The following HYDIN variants were observed in gnomAD, a reference collection of about 807,000 sequenced individuals.
HYDIN encodes HYDIN axonemal central pair apparatus protein.
In HYDIN, 132 loss-of-function variants were observed where a neutral mutation model predicts 403.9. That is an observed-to-expected ratio of 0.33 (90% confidence interval 0.28 to 0.38). The LOEUF is 0.38. Among genes scored for constraint, HYDIN ranks in the 10% least tolerant of loss-of-function variants. The pLI is 1.00. For synonymous variants in HYDIN, 1,202 were observed against 1,891.7 expected (o/e 0.64, Z 9.46); for missense variants, 2,827 against 5,009.5 (o/e 0.56, Z 13.15).
intron 13 of HYDIN, among the ~76,000 whole-genome samples, chr16:71,073,801 T>C (rs2144319106): frequency 6.6e-6 from 1 of 152,298 alleles, no homozygotes; most frequent in South Asian, 2.1e-4. Context: ...TATGCCTCAA[T>C]GTTCCTTCAA....
At chr16:71,171,165 G>A (rs890021800) in intron 5 of HYDIN, among the ~76,000 whole-genome samples, 14 of 152,156 alleles carry the variant, frequency 9.2e-5, no homozygotes, top group Non-Finnish European at 1.6e-4. Context: ...TGCCAAGCGT[G>A]TTTCTGCCAC....
chr16:70,938,797 C>A, intron 43 of HYDIN, 42 bp from the exon 44 acceptor site: 1 of 1,609,564 alleles, frequency 6.2e-7, no homozygotes, highest in Non-Finnish European at 8.5e-7. Flanking sequence ...AAAAGTCCTT[C>A]TCAGTCTCGC....
intron 10 of HYDIN, among the ~76,000 whole-genome samples, chr16:71,100,065 A>G (rs1390574622): frequency 1.3e-5 from 2 of 152,116 alleles, no homozygotes; most frequent in African/African-American, 4.8e-5. Context: ...ACATTTACGA[A>G]GGTCAACTGT....
Position 70,841,773 on chromosome 16 carries a change from T to G in HYDIN, c.12874-1540A>C, listed in dbSNP as rs550101067. Among the ~76,000 whole-genome samples the G allele has an allele frequency of 5.3e-5, 8 of 152,126 alleles. No homozygotes were observed. The East Asian group carries it at 1.5e-3, about 29-fold the overall frequency. On this transcript the variant is annotated intron_variant, in intron 75 of 85. Transcript: ENST00000393567. ...TAACCATTGCCCTTTCATCATGTGA[T>G]GCCATCTGCCATGTTACGATGCAGC...
At chr16:70,868,880 A>C in intron 65 of HYDIN, 92 bp from the exon 66 acceptor site, 1 of 1,370,942 alleles carries the variant, frequency 7.3e-7, no homozygotes, top group Non-Finnish European at 9.8e-7. Flanking sequence ...GGAAGGAGCC[A>C]AAGGTCTTGG....
rs2076978166 is a variant in HYDIN, at chr16:70,920,960, C to A, written c.7416G>T (p.Met2472Ile). ...GGACTCCTTGCTTCCGGTCCCAGTACATGAGGATGTTCTGGACATCCTTCA... is the reference window on the plus strand; with the variant it reads ...GGACTCCTTGCTTCCGGTCCCAGTAAATGAGGATGTTCTGGACATCCTTCA... ...LTLKDVQNIL[M>I]YWDRKQGVQL... is the part of the protein sequence containing the mutation. The change falls in exon 46 of 86, where the codon ATG becomes ATT. Residue 2472 changes from methionine to isoleucine, a missense_variant. By Grantham distance (10) the Met-to-Ile change is conservative. Transcript: ENST00000393567. The A allele has an allele frequency of 6.2e-7, 1 of 1,609,004 alleles. No individual in the cohort carries two copies. Among genetic ancestry groups the A allele is most frequent in the Non-Finnish European group, 8.5e-7 (1 of 1,177,582 alleles).
At chr16:71,102,723 G>A (rs1197946448) in intron 10 of HYDIN, among the ~76,000 whole-genome samples, 2 of 151,380 alleles carry the variant, frequency 1.3e-5, no homozygotes, top group Non-Finnish European at 2.9e-5. Context: ...CAATTTCCCT[G>A]ATGGTTTAGT....
chr16:70,946,129 G>A (rs1404465114), intron 41 of HYDIN, among the ~76,000 whole-genome samples: 1 of 144,008 alleles, frequency 6.9e-6, no homozygotes, highest in African/African-American at 2.6e-5. Flanking sequence ...GAGAAGGGGT[G>A]GGGCTGGGTG....
intron 12 of HYDIN, among the ~76,000 whole-genome samples, chr16:71,081,280 G>A (rs1938166625): frequency 6.6e-6 from 1 of 151,910 alleles, no homozygotes; most frequent in African/African-American, 2.4e-5. Flanking sequence ...AGAGGTTGTT[G>A]TAAGCCTGGG....
Position 71,093,053 on chromosome 16 carries a change from T to C in HYDIN, c.1446+764A>G, listed in dbSNP as rs546772236. 1.8e-3 allele frequency among the ~76,000 whole-genome samples: 265 copies of C among 149,606 alleles called. 1 individual carries two copies. Among genetic ancestry groups the C allele is most frequent in the African/African-American group, 6.2e-3 (249 of 40,040 alleles). ...TCACACACACACACACACATAGACA[T>C]GCACACACAATAAAGTATGAATCTG... is the stretch of plus-strand genomic sequence containing the variant. On this transcript the variant is annotated intron_variant, in intron 11 of 85. Coordinates refer to ENST00000393567, the MANE Select transcript of HYDIN (RefSeq NM_001270974.2).
At chr16:70,977,752 C>T (rs1267716166) in intron 30 of HYDIN, among the ~76,000 whole-genome samples, 34 of 147,170 alleles carry the variant, frequency 2.3e-4, no homozygotes, top group African/African-American at 8.6e-4. Flanking sequence ...CTTCCTATCC[C>T]AGCCTTTATT....
chr16:70,832,667 G>T (rs141599834), intron 80 of HYDIN, among the ~76,000 whole-genome samples, 181 bp downstream of exon 80: 3,945 of 152,234 alleles, frequency 0.026, 11 homozygotes, highest in Non-Finnish European at 0.04. Context: ...GATGAGAGCT[G>T]AAGAATGGAA....
Position 70,870,475 on chromosome 16 carries a change from C to A in HYDIN, c.11091+1562G>T, listed in dbSNP as rs369044831. Among the ~76,000 whole-genome samples, 204 of 151,556 alleles carry A rather than the reference C, an allele frequency of 1.3e-3. 7 individuals are homozygous for A. In the East Asian group the frequency reaches 0.032, roughly 24 times the overall value. On this transcript the variant is annotated intron_variant, in intron 65 of 85. Transcript: ENST00000393567. The stretch of plus-strand genomic sequence containing the variant: ...AGGATGTAGAGCTCTGCATCCCAGC[C>A]ACTCTGGTCATGGCTAAAAGGGGCC...
chr16:70,938,181 G>C (rs865862085), intron 44 of HYDIN, among the ~76,000 whole-genome samples: 9 of 152,372 alleles, frequency 5.9e-5, no homozygotes, highest in South Asian at 4.1e-4. Context: ...GAGATTTGGG[G>C]AGCAGTCACT....
At chr16:71,211,118 C>A (rs1413723183) in intron 1 of HYDIN, among the ~76,000 whole-genome samples, 1 of 152,096 alleles carries the variant, frequency 6.6e-6, no homozygotes, top group African/African-American at 2.4e-5. Flanking sequence ...AAAATTAAAG[C>A]TGGCCACTCC....
intron 45 of HYDIN, among the ~76,000 whole-genome samples, chr16:70,927,884 A>C (rs2077200908): frequency 6.6e-6 from 1 of 152,152 alleles, no homozygotes; most frequent in Admixed American, 6.5e-5. Flanking sequence ...TTGAAACATC[A>C]AGGTGAAGTA....
intron 62 of HYDIN, among the ~76,000 whole-genome samples, chr16:70,875,244 C>T (rs893758687): frequency 1.3e-4 from 20 of 150,310 alleles, no homozygotes; most frequent in Non-Finnish European, 2.1e-4. Flanking sequence ...ATAAAATATA[C>T]GCTAGGCCAA....
At chr16:71,170,216 G>A (rs1015998376) in intron 5 of HYDIN, among the ~76,000 whole-genome samples, 1 of 152,188 alleles carries the variant, frequency 6.6e-6, no homozygotes, top group African/African-American at 2.4e-5. Flanking sequence ...CTGAAAAGCT[G>A]GTGAGGGAAA....
At chr16:70,890,725 T>C (rs1419914496) in intron 57 of HYDIN, among the ~76,000 whole-genome samples, 1 of 151,772 alleles carries the variant, frequency 6.6e-6, no homozygotes, top group African/African-American at 2.4e-5. Flanking sequence ...TTGTTTTGGG[T>C]GAATTGATTG....
Sources: allele counts gnomAD v4.1 joint callset (sites outside exome capture counted in the v4.1 genomes callset), GRCh38; gene constraint gnomAD v4.1.1; transcripts MANE v1.5; gene names NCBI Gene and HGNC (gene_info 2026-07-23, HGNC 2026-07-21).